Variants in FOXN3 observed in about 807,000 individuals in gnomAD.
FOXN3 encodes forkhead box protein N3.
A neutral mutation model predicts 38.4 loss-of-function variants in FOXN3; 7 were observed. The ratio of observed to expected loss-of-function variants is 0.18; its 90% CI spans 0.10 to 0.34. The LOEUF is 0.34. FOXN3 is among the 10% of genes least tolerant of loss of function. The pLI, the probability that FOXN3 is intolerant of heterozygous loss-of-function variation, is 1.00. For synonymous variants in FOXN3, 230 were observed against 242.2 expected, an observed-to-expected ratio of 0.95 and a Z score of 0.47; for missense variants, 456 against 613.4, an observed-to-expected ratio of 0.74 and a Z score of 2.71.
intron 1 of FOXN3, among the ~76,000 whole-genome samples, chr14:89,544,866 T>C (rs770201267): frequency 3.3e-5 from 5 of 152,188 alleles, no homozygotes; most frequent in Non-Finnish European, 7.3e-5. Flanking sequence ...TCACAATCCT[T>C]AGAGCAAGGT....
chr14:89,264,000 G>A (rs1405193259), intron 4 of FOXN3: 1 of 152,316 alleles, frequency 6.6e-6, no homozygotes, highest in Non-Finnish European at 1.5e-5. Context: ...AGAGGTTGCA[G>A]TGAGCCGAGA....
chr14:89,563,536 G>A (rs1018033621), intron 1 of FOXN3, among the ~76,000 whole-genome samples: 2 of 152,162 alleles, frequency 1.3e-5, no homozygotes, highest in African/African-American at 4.8e-5. Context: ...TCACTCAGGA[G>A]GAGATCACTT....
At chr14:89,211,504 T>C (rs1884092409) in intron 4 of FOXN3, among the ~76,000 whole-genome samples, 2 of 152,188 alleles carry the variant, frequency 1.3e-5, no homozygotes, top group Admixed American at 6.5e-5. Context: ...GAGTCGCTTA[T>C]ACTGAAGAAA....
intron 3 of FOXN3, among the ~76,000 whole-genome samples, chr14:89,346,646 T>C (rs1888766437): frequency 1.3e-5 from 2 of 152,174 alleles, no homozygotes; most frequent in Non-Finnish European, 2.9e-5. Context: ...ACCTGTGGCA[T>C]ACTGTTCACC....
chr14:89,291,471 C>T, intron 3 of FOXN3: 1 of 605,844 alleles, frequency 1.7e-6, no homozygotes, highest in South Asian at 1.4e-5. Context: ...GAGGGTGCCA[C>T]ACCTCCACAG....
intron 3 of FOXN3, among the ~76,000 whole-genome samples, chr14:89,329,154 T>G (rs545947261): frequency 6.6e-6 from 1 of 152,286 alleles, no homozygotes; most frequent in East Asian, 1.9e-4. Context: ...TTGCCCAAGA[T>G]ATAGCACCCC....
chr14:89,448,985 C>T (rs1892564486), intron 1 of FOXN3, among the ~76,000 whole-genome samples: 1 of 151,962 alleles, frequency 6.6e-6, no homozygotes. Context: ...GATTCAAATC[C>T]CACCTCTGTC....
At chr14:89,389,939 G>T (rs1318620825) in intron 2 of FOXN3, among the ~76,000 whole-genome samples, 1 of 151,908 alleles carries the variant, frequency 6.6e-6, no homozygotes, top group East Asian at 1.9e-4. Context: ...AAAAATTCTG[G>T]CCAGGCACAG....
chr14:89,248,533 T>C (rs61983082), intron 4 of FOXN3, among the ~76,000 whole-genome samples: 21,709 of 152,220 alleles, frequency 0.14, 1,905 homozygotes, highest in Middle Eastern at 0.2. Flanking sequence ...AGCTGCTGTA[T>C]TTACAGAAAT....
At chr14:89,299,039 T>G (rs995990176) in intron 3 of FOXN3, among the ~76,000 whole-genome samples, 5 of 147,478 alleles carry the variant, frequency 3.4e-5, no homozygotes, top group African/African-American at 1.2e-4. Context: ...GCTGCTTCCC[T>G]GGAAAAACTA....
At chr14:89,576,262 GC>G (rs1372150598) in intron 1 of FOXN3, 1 of 152,202 alleles carries the variant, frequency 6.6e-6, no homozygotes, top group Non-Finnish European at 1.5e-5. Context: ...TTCGCCGGGT[GC>G]CTTTCACTGC....
At chr14:89,324,476 G>A (rs1396766017) in intron 3 of FOXN3, among the ~76,000 whole-genome samples, 1 of 151,112 alleles carries the variant, frequency 6.6e-6, no homozygotes, top group Non-Finnish European at 1.5e-5. Context: ...GTGTGTGTGT[G>A]TGTGTGTGTA....
At chr14:89,400,470 G>A (rs1047665858) in intron 2 of FOXN3, among the ~76,000 whole-genome samples, 4 of 152,066 alleles carry the variant, frequency 2.6e-5, no homozygotes, top group Non-Finnish European at 5.9e-5. Flanking sequence ...AATTTAACAT[G>A]GTCAAAAGAG....
rs529677436 is a variant in FOXN3, at chr14:89,498,206, CTCTCTTTTTTTTT to C, written c.-14-85729_-14-85717del. Reference sequence around the variant, plus strand: ...TCTCTCTGGCTGCTTCTCTCTCTCTCTCTCTTTTTTTTTTTTTTTTTTTTTTTTGAGATGGAGT... The same window carrying C: ...TCTCTCTGGCTGCTTCTCTCTCTCTCTTTTTTTTTTTTTTTGAGATGGAGT... On this transcript the variant is annotated intron_variant, in intron 1 of 6. Coordinates refer to the FOXN3 transcript ENST00000345097. 4.2e-3 allele frequency among the ~76,000 whole-genome samples: 564 copies of C among 133,004 alleles called. 4 individuals carry two copies. Among genetic ancestry groups the C allele is most frequent in the African/African-American group, 0.016 (518 of 33,260 alleles). The allele number at this position is 133,004 out of a possible 152,430, so 87.3% of individuals were successfully genotyped here. A position where few individuals can be genotyped will look rare whatever the true frequency, so the allele number is the denominator to read the frequency against.
intron 2 of FOXN3, among the ~76,000 whole-genome samples, chr14:89,384,865 G>A (rs1309404214): frequency 2.6e-5 from 4 of 152,182 alleles, no homozygotes; most frequent in African/African-American, 7.2e-5. Flanking sequence ...CAACAGCCTT[G>A]ATGGCTCTCT....
At chr14:89,288,471 T>C (rs1886706990) in intron 3 of FOXN3, among the ~76,000 whole-genome samples, 1 of 152,158 alleles carries the variant, frequency 6.6e-6, no homozygotes, top group African/African-American at 2.4e-5. Context: ...TTTATTTTAC[T>C]TTTAAACAAT....
intron 1 of FOXN3, among the ~76,000 whole-genome samples, chr14:89,482,391 G>T (rs138131807): frequency 1.9e-3 from 288 of 150,796 alleles, no homozygotes; most frequent in African/African-American, 6.9e-3. Context: ...GAGGCCAAAG[G>T]GGGAGGATTG....
intron 3 of FOXN3, among the ~76,000 whole-genome samples, chr14:89,289,949 ACTT>A (rs891082287): frequency 2.6e-5 from 4 of 152,204 alleles, no homozygotes; most frequent in Admixed American, 6.5e-5. Context: ...AGGGGAACAG[ACTT>A]CTTTTTTTTC....
chr14:89,257,103 G>A (rs1885647321), intron 4 of FOXN3, among the ~76,000 whole-genome samples: 1 of 152,194 alleles, frequency 6.6e-6, no homozygotes, highest in Admixed American at 6.5e-5. Context: ...AGGTTGCGGT[G>A]AGAGTCCCCC....
Sources: gnomAD v4.1 joint callset for allele counts (sites outside exome capture counted in the v4.1 genomes callset) on GRCh38, gnomAD v4.1.1 for gene constraint, MANE v1.5 for transcripts, NCBI Gene and HGNC (gene_info 2026-07-23, HGNC 2026-07-21) for gene names.